WNT10A: variants seen among roughly 807,000 people sequenced by gnomAD.
WNT10A encodes Wnt family member 10A.
A neutral mutation model predicts 36.1 loss-of-function variants in WNT10A; 37 were observed. The observed-to-expected ratio is 1.02, with a 90% CI of 0.79 to 1.35. The LOEUF is 1.35. Among genes scored for constraint, WNT10A ranks in the 40% most tolerant of loss-of-function variants. The pLI is 0.00. For synonymous variants in WNT10A, 255 were observed against 254.1 expected, an observed-to-expected ratio of 1.00 and a Z score of -0.03; for missense variants, 613 against 601.4, an observed-to-expected ratio of 1.02 and a Z score of -0.20.
chr2:218,890,067 C>A lies in WNT10A; in HGVS notation c.460C>A (p.Leu154Met), dbSNP rs148187600. The A allele has an allele frequency of 7.9e-5, 128 of 1,614,154 alleles. No individual in the cohort carries two copies. The highest frequency in any genetic ancestry group is 2.5e-4 in the East Asian group (11 of 44,888). Residue 154 changes from leucine to methionine, a missense_variant, in exon 3 of 4, where the codon CTG becomes ATG. Leu to Met is a conservative substitution (Grantham distance 15). Transcript: ENST00000258411. ...AVSNACALGK[L>M]KACGCDASRR... The stretch of plus-strand genomic sequence containing the variant: ...GTCCAATGCGTGTGCCCTGGGCAAA[C>A]TGAAGGCCTGTGGCTGTGATGCGTC...
intron 2 of WNT10A, among the ~76,000 whole-genome samples, chr2:218,888,927 T>C (rs1944613715): frequency 6.6e-6 from 1 of 152,254 alleles, no homozygotes; most frequent in Non-Finnish European, 1.5e-5. Context: ...TTTATTTATT[T>C]ATTTATTTAT....
chr2:218,881,774 C>T (rs1944519828), intron 1 of WNT10A, among the ~76,000 whole-genome samples: 2 of 152,108 alleles, frequency 1.3e-5, no homozygotes, highest in African/African-American at 2.4e-5. Flanking sequence ...TTTGTGTGTC[C>T]ACCACAATGT....
intron 2 of WNT10A, 100 bp downstream of exon 2, chr2:218,882,523 C>A: frequency 6.8e-7 from 1 of 1,461,436 alleles, no homozygotes; most frequent in Non-Finnish European, 9.4e-7. Flanking sequence ...AGCTGGCATC[C>A]TCCCATCCCC....
chr2:218,876,835 G>A (rs1420490646), upstream of WNT10A, among the ~76,000 whole-genome samples: 1 of 152,236 alleles, frequency 6.6e-6, no homozygotes, highest in Non-Finnish European at 1.5e-5. Context: ...TTAACAGGGA[G>A]CGACAGACAG....
chr2:218,883,222 G>A (rs1944538096), intron 2 of WNT10A, among the ~76,000 whole-genome samples: 1 of 152,080 alleles, frequency 6.6e-6, no homozygotes, highest in African/African-American at 2.4e-5. Flanking sequence ...GAAGGATGGG[G>A]GCCCTGCCTC....
chr2:218,881,180 T>C, intron 1 of WNT10A, 72 bp downstream of exon 1: 1 of 1,545,938 alleles, frequency 6.5e-7, no homozygotes, highest in Non-Finnish European at 8.7e-7. Flanking sequence ...CTGATGCTCT[T>C]GCTGGGGTAG....
At chr2:218,879,215 G>A (rs544737736), upstream of WNT10A, among the ~76,000 whole-genome samples, 2 of 152,274 alleles carry the variant, frequency 1.3e-5, no homozygotes, top group South Asian at 2.1e-4. Flanking sequence ...CCACCTGACA[G>A]TCTGGGGACA....
At chr2:218,874,842 C>A in the WNT10A span, among the ~76,000 whole-genome samples, 1 of 152,186 alleles carries the variant, frequency 6.6e-6, no homozygotes, top group Non-Finnish European at 1.5e-5. Flanking sequence ...AAAGGGATTT[C>A]GCTCTGTTTC....
intron 2 of WNT10A, among the ~76,000 whole-genome samples, chr2:218,883,591 C>T (rs1944543273): frequency 1.4e-5 from 2 of 145,392 alleles, no homozygotes; most frequent in South Asian, 4.5e-4. Context: ...GCGCCCCGGG[C>T]GCTGTTTCTA....
chr2:218,889,752 C>T (rs549660968), intron 2 of WNT10A, among the ~76,000 whole-genome samples: 5 of 152,324 alleles, frequency 3.3e-5, no homozygotes, highest in South Asian at 2.1e-4. Flanking sequence ...AGGAGAAGGG[C>T]GTACAAAAAG....
At chr2:218,875,944 A>G (rs943760917), upstream of WNT10A, among the ~76,000 whole-genome samples, 8 of 152,226 alleles carry the variant, frequency 5.3e-5, no homozygotes, top group African/African-American at 1.9e-4. Flanking sequence ...TCCAGAGGTT[A>G]GTCTGAATTC....
intron 2 of WNT10A, among the ~76,000 whole-genome samples, chr2:218,884,641 A>C (rs1221155530): frequency 6.6e-6 from 1 of 151,774 alleles, no homozygotes; most frequent in African/African-American, 2.4e-5. Context: ...TGCACCCCTG[A>C]CTCCACCTGC....
upstream of WNT10A, among the ~76,000 whole-genome samples, chr2:218,876,980 C>A (rs879424065): frequency 6.6e-6 from 1 of 152,152 alleles, no homozygotes; most frequent in Admixed American, 6.5e-5. Flanking sequence ...TGGGCTGGCC[C>A]AGACCTAGGG....
chr2:218,893,365 T>C lies in WNT10A; in HGVS notation c.*94T>C. The C allele has an allele frequency of 6.9e-7, 1 of 1,450,644 alleles. No homozygotes were observed. The highest frequency in any genetic ancestry group is 9.1e-7 in the Non-Finnish European group (1 of 1,097,204). The allele number at this position is 1,450,644 out of a possible 1,614,324, so 89.9% of individuals were successfully genotyped here. ...CTTGGCAAGGCAGCATCGCCTTGGCTCTTGGGAAGAGGAGATTGGACCACA... is the reference window on the plus strand; with the variant it reads ...CTTGGCAAGGCAGCATCGCCTTGGCCCTTGGGAAGAGGAGATTGGACCACA... On this transcript the variant is annotated 3_prime_UTR_variant, in exon 4 of 4. Coordinates refer to ENST00000258411, the MANE Select transcript of WNT10A (RefSeq NM_025216.3). The surrounding 1 kb of genome is among the most constrained non-coding windows in gnomAD (Gnocchi z 6.3).
intron 2 of WNT10A, among the ~76,000 whole-genome samples, chr2:218,885,930 T>G (rs185202664): frequency 1.3e-5 from 2 of 152,230 alleles, no homozygotes; most frequent in African/African-American, 4.8e-5. Context: ...TTATCCATGC[T>G]TTAGGACCCT....
At chr2:218,882,769 C>A (rs529911747) in intron 2 of WNT10A, among the ~76,000 whole-genome samples, 1 of 152,310 alleles carries the variant, frequency 6.6e-6, no homozygotes, top group African/African-American at 2.4e-5. Context: ...GCTTAGTAAA[C>A]CACATTTAGG....
chr2:218,889,533 TC>T (rs1197878828), intron 2 of WNT10A, among the ~76,000 whole-genome samples: 1 of 152,234 alleles, frequency 6.6e-6, no homozygotes, highest in Non-Finnish European at 1.5e-5. Context: ...TAGTTTACAT[TC>T]CCACCAGCAA....
At chr2:218,877,749 G>A (rs1944465287), upstream of WNT10A, among the ~76,000 whole-genome samples, 1 of 152,206 alleles carries the variant, frequency 6.6e-6, no homozygotes, top group South Asian at 2.1e-4. The surrounding 1 kb of genome is among the most constrained non-coding windows in gnomAD (Gnocchi z 4.1). Flanking sequence ...CAAACACATT[G>A]GGAGTTTGGG....
intron 3 of WNT10A, 143 bp from the exon 4 acceptor site, chr2:218,892,631 T>C: frequency 7.5e-7 from 1 of 1,330,146 alleles, no homozygotes; most frequent in Non-Finnish European, 1.0e-6. Flanking sequence ...TTCTTCTGAC[T>C]GCCTGGTTGT....
Sources: gnomAD v4.1 joint callset for allele counts (sites outside exome capture counted in the v4.1 genomes callset) on GRCh38, gnomAD v4.1.1 for gene constraint, Gnocchi (gnomAD v3.1) non-coding constraint, MANE v1.5 for transcripts, NCBI Gene and HGNC (gene_info 2026-07-23, HGNC 2026-07-21) for gene names.